The following RAB38 variants were observed in gnomAD, a reference collection of about 807,000 sequenced individuals.
The protein encoded by RAB38 is RAB38, member RAS oncogene family, also known as ras-related protein Rab-38.
Under a neutral mutation model 18.4 loss-of-function variants are expected in RAB38, and 15 were observed. That is an observed-to-expected ratio of 0.82 (90% CI 0.55 to 1.26). The LOEUF is 1.26. Ranked by LOEUF, RAB38 falls within the 50% of genes most tolerant of loss-of-function variation. The pLI, the probability that RAB38 is intolerant of heterozygous loss-of-function variation, is 0.00. For synonymous variants in RAB38, 101 were observed against 104.4 expected (o/e 0.97, Z 0.20); for missense variants, 294 against 267.4 (o/e 1.10, Z -0.69).
chr11:88,028,701 C>T, the RAB38 span, among the ~76,000 whole-genome samples: 1 of 152,146 alleles, frequency 6.6e-6, no homozygotes, highest in African/African-American at 2.4e-5. Context: ...AAGAAATGAA[C>T]AAAGCCTCCA....
the RAB38 span, among the ~76,000 whole-genome samples, chr11:87,975,068 C>G: frequency 6.6e-6 from 1 of 151,828 alleles, no homozygotes; most frequent in Non-Finnish European, 1.5e-5. Context: ...CCTTGGCATT[C>G]CTTAGCTTAT....
chr11:88,114,017 C>A lies in RAB38; in HGVS notation c.607G>T (p.Ala203Ser), dbSNP rs566900313. ...GATTTGGCACAGCCAGAGCAGCTGG[C>A]AACCTTGGTTGATGTGAGATGGGGC... ...VKPHLTSTKV[A>S]SCSGCAKS The change falls in exon 3 of 3, where the codon GCC becomes TCC. Residue 203 changes from alanine to serine, a missense_variant. Coordinates refer to ENST00000243662, the MANE Select transcript of RAB38 (RefSeq NM_022337.3). 1.5e-4 allele frequency: 237 copies of A among 1,614,174 alleles called. 2 individuals are homozygous for A. In the South Asian group the frequency reaches 1.7e-3, roughly 12 times the overall value.
the RAB38 span, among the ~76,000 whole-genome samples, chr11:87,875,310 C>G: frequency 7.3e-5 from 11 of 150,726 alleles, no homozygotes; most frequent in Admixed American, 7.3e-4. Flanking sequence ...TATGATTTAT[C>G]AATTAAAAAT....
At chr11:87,850,914 T>C in the RAB38 span, among the ~76,000 whole-genome samples, 2 of 152,308 alleles carry the variant, frequency 1.3e-5, no homozygotes, top group South Asian at 4.1e-4. Flanking sequence ...CATGTCCTTT[T>C]CATTGACCAG....
At chr11:87,901,816 T>C in the RAB38 span, among the ~76,000 whole-genome samples, 1 of 151,624 alleles carries the variant, frequency 6.6e-6, no homozygotes, top group African/African-American at 2.4e-5. Flanking sequence ...AAGTCCTTCA[T>C]TCAACTCATG....
the RAB38 span, among the ~76,000 whole-genome samples, chr11:87,848,262 C>T: frequency 5.9e-5 from 9 of 152,124 alleles, no homozygotes; most frequent in East Asian, 1.7e-3. Flanking sequence ...CATCCAGTTT[C>T]CTCTGCCAGA....
At chr11:88,147,373 T>TA (rs1943002066) in intron 2 of RAB38, among the ~76,000 whole-genome samples, 1 of 152,162 alleles carries the variant, frequency 6.6e-6, no homozygotes, top group South Asian at 2.1e-4. Flanking sequence ...AGTTTGCACT[T>TA]ACAATGTAAT....
chr11:88,030,218 C>G, the RAB38 span, among the ~76,000 whole-genome samples: 5 of 152,296 alleles, frequency 3.3e-5, no homozygotes, highest in African/African-American at 1.2e-4. Flanking sequence ...CTCTGGGACA[C>G]ATTTAAGGCA....
intron 2 of RAB38, among the ~76,000 whole-genome samples, chr11:88,136,386 T>C (rs1942834900): frequency 6.6e-6 from 1 of 151,934 alleles, no homozygotes; most frequent in Non-Finnish European, 1.5e-5. Flanking sequence ...ACAAGACACA[T>C]CAGAGAAGGC....
chr11:88,048,610 C>T, the RAB38 span, among the ~76,000 whole-genome samples: 1 of 152,138 alleles, frequency 6.6e-6, no homozygotes, highest in Non-Finnish European at 1.5e-5. Flanking sequence ...TTTTATTAGG[C>T]CCCAACCTCA....
At chr11:87,932,851 T>C in the RAB38 span, among the ~76,000 whole-genome samples, 2 of 152,114 alleles carry the variant, frequency 1.3e-5, no homozygotes, top group African/African-American at 4.8e-5. Flanking sequence ...AAATTGGGCA[T>C]TCCTAATTCT....
chr11:88,050,700 A>C, the RAB38 span, among the ~76,000 whole-genome samples: 1 of 152,236 alleles, frequency 6.6e-6, no homozygotes, highest in Non-Finnish European at 1.5e-5. Flanking sequence ...TAGCAATCTA[A>C]GAATATTCTT....
chr11:87,860,155 T>C, the RAB38 span, among the ~76,000 whole-genome samples: 1 of 151,968 alleles, frequency 6.6e-6, no homozygotes, highest in Non-Finnish European at 1.5e-5. Context: ...CTTAAAGTGC[T>C]CACTATACTA....
the RAB38 span, among the ~76,000 whole-genome samples, chr11:87,923,663 A>G: frequency 2.0e-5 from 3 of 151,790 alleles, no homozygotes; most frequent in African/African-American, 7.3e-5. Flanking sequence ...GTAAACAAAT[A>G]ATTCTGAGGT....
At chr11:87,977,751 ATATATATAT>A in the RAB38 span, among the ~76,000 whole-genome samples, 24 of 11,132 alleles carry the variant, frequency 2.2e-3, no homozygotes, top group South Asian at 0.011. Context: ...ATTCTATAAT[ATATATATAT>A]TATATTATAG....
At chr11:87,831,560 G>A in the RAB38 span, among the ~76,000 whole-genome samples, 1 of 152,152 alleles carries the variant, frequency 6.6e-6, no homozygotes, top group Non-Finnish European at 1.5e-5. Flanking sequence ...AAAGCCCAAA[G>A]GTAACAGTGA....
chr11:88,140,987 T>C (rs1023723925), intron 2 of RAB38, among the ~76,000 whole-genome samples: 2 of 152,142 alleles, frequency 1.3e-5, no homozygotes, highest in Non-Finnish European at 2.9e-5. Context: ...GATATGGAAG[T>C]CTGAAGTTTT....
intron 2 of RAB38, among the ~76,000 whole-genome samples, chr11:88,125,584 T>A (rs987191983): frequency 6.6e-6 from 1 of 152,222 alleles, no homozygotes; most frequent in African/African-American, 2.4e-5. Flanking sequence ...CTTGTGAATT[T>A]GTTTGAGTTC....
the RAB38 span, among the ~76,000 whole-genome samples, chr11:87,887,482 A>G: frequency 1.8e-4 from 28 of 152,116 alleles, 1 homozygote; most frequent in Middle Eastern, 0.01. Flanking sequence ...TTCCACACCA[A>G]GATGGTAAAG....
Sources: allele counts gnomAD v4.1 joint callset (sites outside exome capture counted in the v4.1 genomes callset), GRCh38; gene constraint gnomAD v4.1.1; transcripts MANE v1.5; gene names NCBI Gene and HGNC (gene_info 2026-07-23, HGNC 2026-07-21).